The following PPFIA2 variants were observed in gnomAD, a reference collection of about 807,000 sequenced individuals.
PPFIA2 encodes PPFI scaffold protein A2.
PPFIA2 carries 46 observed loss-of-function variants against 175.5 expected under a neutral mutation model. The observed-to-expected ratio is 0.26, with a 90% CI of 0.21 to 0.34. The LOEUF is 0.34. PPFIA2 is among the 10% of genes least tolerant of loss of function. PPFIA2 has a pLI of 1.00. For synonymous variants in PPFIA2, 568 were observed against 511.4 expected (o/e 1.11, Z -1.49); for missense variants, 1,179 against 1,506.1 (o/e 0.78, Z 3.60).
At chr12:81,460,270 G>C (rs1402120984) in intron 4 of PPFIA2, among the ~76,000 whole-genome samples, 1 of 152,124 alleles carries the variant, frequency 6.6e-6, no homozygotes, top group Non-Finnish European at 1.5e-5. Context: ...ATTTTATAAA[G>C]GGAAACCGCT....
chr12:81,445,274 C>A (rs1166452324), intron 6 of PPFIA2, among the ~76,000 whole-genome samples: 12 of 135,752 alleles, frequency 8.8e-5, no homozygotes, highest in Admixed American at 3.2e-4. Context: ...AATGATATAA[C>A]ATTTTGAATG....
chr12:81,728,944 T>C (rs2080456893), intron 3 of PPFIA2, among the ~76,000 whole-genome samples: 1 of 151,592 alleles, frequency 6.6e-6, no homozygotes, highest in African/African-American at 2.4e-5. Context: ...TCAACTCATC[T>C]ATCTGTAGTC....
At chr12:81,533,129 G>T (rs2064834893) in intron 4 of PPFIA2, among the ~76,000 whole-genome samples, 1 of 151,680 alleles carries the variant, frequency 6.6e-6, no homozygotes, top group Non-Finnish European at 1.5e-5. Flanking sequence ...CTTGGTAGAA[G>T]AAAGGGATTT....
intron 4 of PPFIA2, among the ~76,000 whole-genome samples, chr12:81,502,831 A>T (rs892148547): frequency 6.6e-6 from 1 of 152,160 alleles, no homozygotes; most frequent in African/African-American, 2.4e-5. Context: ...ATTTATTTGT[A>T]ATCATTTATC....
At chr12:81,358,658 T>C (rs917629555) in intron 15 of PPFIA2, among the ~76,000 whole-genome samples, 9 of 152,094 alleles carry the variant, frequency 5.9e-5, no homozygotes, top group African/African-American at 2.2e-4. Flanking sequence ...AATTTGAGGG[T>C]CCCAGAACTT....
Position 81,542,539 on chromosome 12 carries a change from A to C in PPFIA2, c.304-84673T>G, listed in dbSNP as rs371724691. Among the ~76,000 whole-genome samples, 264 of 152,298 alleles carry C rather than the reference A, an allele frequency of 1.7e-3. 1 individual carries two copies. Among genetic ancestry groups the C allele is most frequent in the African/African-American group, 6.2e-3 (256 of 41,578 alleles). ...TATGTTTACTTTGCTCCATCTGCTG[A>C]GTGATCCTAGAAGTAATGGGACCCC... On this transcript the variant is annotated intron_variant, in intron 4 of 32. Coordinates refer to ENST00000549396, the MANE Select transcript of PPFIA2 (RefSeq NM_003625.5).
chr12:81,577,883 C>T (rs531031535), intron 4 of PPFIA2, among the ~76,000 whole-genome samples: 1 of 151,782 alleles, frequency 6.6e-6, no homozygotes, highest in African/African-American at 2.4e-5. Flanking sequence ...TTATATTTAG[C>T]CTGTTTTTCT....
intron 21 of PPFIA2, among the ~76,000 whole-genome samples, chr12:81,328,220 T>C (rs2055249585): frequency 6.6e-6 from 1 of 152,174 alleles, no homozygotes; most frequent in African/African-American, 2.4e-5. Flanking sequence ...CTATGGATGA[T>C]TATCTAAATC....
At chr12:81,757,720 A>T (rs1429225729) in intron 2 of PPFIA2, among the ~76,000 whole-genome samples, 1 of 152,152 alleles carries the variant, frequency 6.6e-6, no homozygotes, top group East Asian at 1.9e-4. Context: ...TGTGTTCCTT[A>T]ACAATATATG....
At chr12:81,382,613 A>C (rs775186780) in intron 9 of PPFIA2, among the ~76,000 whole-genome samples, 30 of 152,192 alleles carry the variant, frequency 2.0e-4, no homozygotes, top group Non-Finnish European at 1.2e-4. Flanking sequence ...GCTGAATCAA[A>C]GCAAGTGTGT....
rs201322141 is a variant in PPFIA2 at position 81,428,699 on chromosome 12, TA to T, written c.645+11272del. On this transcript the variant is annotated intron_variant, in intron 7 of 32. Coordinates refer to ENST00000549396, the MANE Select transcript of PPFIA2 (RefSeq NM_003625.5). The stretch of plus-strand genomic sequence containing the variant: ...AACTTTTAGTTTACCAATCTAAAAT[TA>T]AAAAAAAATCCATTGTTCAACCATT... Among the ~76,000 whole-genome samples the T allele has an allele frequency of 1.9e-4, 29 of 151,484 alleles. No homozygotes were observed. The East Asian group carries it at 4.4e-3, about 23-fold the overall frequency.
chr12:81,607,400 T>C (rs2060442752), intron 4 of PPFIA2, among the ~76,000 whole-genome samples: 1 of 152,138 alleles, frequency 6.6e-6, no homozygotes, highest in Non-Finnish European at 1.5e-5. Flanking sequence ...TGTATGGACA[T>C]TTTAATGATA....
At chr12:81,425,569 T>C (rs1174394562) in intron 7 of PPFIA2, among the ~76,000 whole-genome samples, 1 of 152,194 alleles carries the variant, frequency 6.6e-6, no homozygotes, top group Non-Finnish European at 1.5e-5. Context: ...GGTTTCACCA[T>C]GTTAGCCAGG....
intron 11 of PPFIA2, among the ~76,000 whole-genome samples, chr12:81,372,987 A>T (rs1198338978): frequency 6.6e-6 from 1 of 151,728 alleles, no homozygotes; most frequent in Non-Finnish European, 1.5e-5. Flanking sequence ...AAGAGGAAAA[A>T]ATATAAGGCA....
intron 2 of PPFIA2, among the ~76,000 whole-genome samples, chr12:81,756,099 C>T (rs2464758): frequency 0.84 from 127,034 of 151,952 alleles, 54,616 homozygotes; most frequent in Middle Eastern, 0.96. Context: ...ATGCATGAAA[C>T]CTACACATTG....
intron 24 of PPFIA2, among the ~76,000 whole-genome samples, chr12:81,284,675 AT>A (rs1331181884): frequency 6.6e-6 from 1 of 152,106 alleles, no homozygotes; most frequent in African/African-American, 2.4e-5. Flanking sequence ...TGTAATTTTA[AT>A]TTTTTACTCA....
At chr12:81,316,815 C>T (rs1024605168) in intron 22 of PPFIA2, among the ~76,000 whole-genome samples, 2 of 151,508 alleles carry the variant, frequency 1.3e-5, no homozygotes, top group Non-Finnish European at 3.0e-5. Flanking sequence ...AGACCATTAA[C>T]ATTAAAAGTT....
At chr12:81,686,861 T>C (rs1443282695) in intron 3 of PPFIA2, among the ~76,000 whole-genome samples, 1 of 152,118 alleles carries the variant, frequency 6.6e-6, no homozygotes, top group Non-Finnish European at 1.5e-5. Flanking sequence ...AACCTCATTT[T>C]ATTTTCCCCT....
At position 81,759,328 on chromosome 12, in the gene PPFIA2, C is replaced by T. The variant is rs1249700543; in HGVS notation, c.-159G>A. The T allele has an allele frequency of 6.6e-6, 1 of 152,264 alleles. No homozygotes were observed. 9.4% of individuals were successfully genotyped at this position (152,264 alleles called of 1,614,324 possible). On this transcript the variant is annotated 5_prime_UTR_variant, in exon 1 of 33. Coordinates refer to ENST00000549396, the MANE Select transcript of PPFIA2 (RefSeq NM_003625.5). ...TACAGCATCTTCTCTCCTCACTTGC[C>T]TCGTGCGGTGGCTGCTACTCCTCCT...
Sources: allele counts gnomAD v4.1 joint callset (sites outside exome capture counted in the v4.1 genomes callset), GRCh38; gene constraint gnomAD v4.1.1; transcripts MANE v1.5; gene names NCBI Gene and HGNC (gene_info 2026-07-23, HGNC 2026-07-21).